PTPRT: variants seen among roughly 807,000 people sequenced by gnomAD.
PTPRT encodes the protein protein tyrosine phosphatase receptor type T.
PTPRT carries 56 observed loss-of-function variants against 176.8 expected under a neutral mutation model. The ratio of observed to expected loss-of-function variants is 0.32; its 90% CI spans 0.26 to 0.40. The LOEUF (loss-of-function observed/expected upper bound fraction) is 0.40. Ranked by LOEUF, PTPRT falls within the 10% of genes least tolerant of loss-of-function variation. The pLI is 1.00. For missense variants in PTPRT, 1,540 were observed against 1,908.2 expected (o/e 0.81, Z 3.60); for synonymous variants, 783 against 739.0 (o/e 1.06, Z -0.96).
intron 1 of PTPRT, among the ~76,000 whole-genome samples, chr20:43,142,172 C>T (rs372071639): frequency 1.4e-4 from 21 of 152,326 alleles, no homozygotes; most frequent in East Asian, 1.4e-3. Context: ...GTGCCTGGAA[C>T]AGCACAGCAA....
At chr20:42,834,384 G>A (rs1210806123) in intron 2 of PTPRT, among the ~76,000 whole-genome samples, 2 of 152,096 alleles carry the variant, frequency 1.3e-5, no homozygotes, top group Non-Finnish European at 2.9e-5. Context: ...AGGTGAGGAC[G>A]TGGAACAAAT....
chr20:42,682,870 T>C (rs2146086445), intron 6 of PTPRT, among the ~76,000 whole-genome samples: 1 of 152,360 alleles, frequency 6.6e-6, no homozygotes, highest in South Asian at 2.1e-4. Flanking sequence ...TGAGCACTTG[T>C]AACAGTTTGA....
intron 9 of PTPRT, among the ~76,000 whole-genome samples, chr20:42,420,294 C>CT (rs1374176407): frequency 2.0e-5 from 3 of 152,150 alleles, no homozygotes; most frequent in African/African-American, 7.2e-5. Flanking sequence ...CCTATAATCT[C>CT]TGAGTTTGGG....
At chr20:42,581,983 T>G (rs993683394) in intron 7 of PTPRT, among the ~76,000 whole-genome samples, 1 of 152,192 alleles carries the variant, frequency 6.6e-6, no homozygotes, top group African/African-American at 2.4e-5. Context: ...AATCGGCACT[T>G]GGAACAAAAA....
intron 6 of PTPRT, chr20:42,687,120 C>T (rs2425522): frequency 0.14 from 21,717 of 151,964 alleles, 2,223 homozygotes; most frequent in African/African-American, 0.28. Context: ...CATCATCCTC[C>T]CAACCAGCCA....
At chr20:42,860,378 A>G (rs1458820073) in intron 2 of PTPRT, among the ~76,000 whole-genome samples, 1 of 152,176 alleles carries the variant, frequency 6.6e-6, no homozygotes, top group Non-Finnish European at 1.5e-5. Context: ...TCTTTTCAAC[A>G]TTTGCTTGAT....
intron 13 of PTPRT, among the ~76,000 whole-genome samples, chr20:42,256,176 A>G (rs892857825): frequency 8.5e-5 from 13 of 152,224 alleles, no homozygotes; most frequent in Non-Finnish European, 1.5e-4. Flanking sequence ...AAAGATGAAG[A>G]TGCTGGGCAA....
chr20:43,091,444 TTC>T (rs748355532), intron 1 of PTPRT, among the ~76,000 whole-genome samples: 93 of 142,666 alleles, frequency 6.5e-4, no homozygotes, highest in Non-Finnish European at 1.1e-3. Context: ...CTCTCTGTAT[TTC>T]TCTCTCTCTC....
At chr20:42,099,580 C>T (rs1985718562) in intron 26 of PTPRT, among the ~76,000 whole-genome samples, 1 of 132,928 alleles carries the variant, frequency 7.5e-6, no homozygotes, top group African/African-American at 2.7e-5. Context: ...CTGGCAGCTT[C>T]ATCCAGGGCC....
chr20:43,116,263 C>T (rs2013055574), intron 1 of PTPRT, among the ~76,000 whole-genome samples: 1 of 152,146 alleles, frequency 6.6e-6, no homozygotes, highest in Admixed American at 6.5e-5. Flanking sequence ...TCTCAGATAC[C>T]ACTGACTCTC....
intron 1 of PTPRT, among the ~76,000 whole-genome samples, chr20:43,173,612 G>C (rs955729823): frequency 6.6e-6 from 1 of 152,216 alleles, no homozygotes; most frequent in Non-Finnish European, 1.5e-5. Flanking sequence ...GTGCTTGCGG[G>C]AGCCCCAGAG....
chr20:42,434,097 C>T lies in PTPRT; in HGVS notation c.1560+14123G>A, dbSNP rs11907746. On this transcript the variant is annotated intron_variant, in intron 9 of 30. Coordinates refer to ENST00000373187, the MANE Select transcript of PTPRT (RefSeq NM_007050.6). ...TAAAAAAAAAAAGTCACCATAACCA[C>T]GTCAAAGCTGTTGCAAATGCACAAG... Among the ~76,000 whole-genome samples, 711 of 151,924 alleles carry T rather than the reference C, an allele frequency of 4.7e-3. 10 individuals are homozygous for T. Among genetic ancestry groups the T allele is most frequent in the African/African-American group, 0.013 (520 of 41,442 alleles).
chr20:42,543,151 G>A (rs2145585894), intron 7 of PTPRT, among the ~76,000 whole-genome samples: 1 of 152,266 alleles, frequency 6.6e-6, no homozygotes, highest in African/African-American at 2.4e-5. Context: ...AGTATCAATG[G>A]ACTCTTCCTT....
intron 2 of PTPRT, among the ~76,000 whole-genome samples, chr20:42,822,968 A>ATGTT (rs1345362424): frequency 6.6e-6 from 1 of 152,186 alleles, no homozygotes; most frequent in African/African-American, 2.4e-5. Context: ...CCATTGTTGA[A>ATGTT]AACAGTATGG....
intron 7 of PTPRT, among the ~76,000 whole-genome samples, chr20:42,637,043 G>A (rs536090276): frequency 3.3e-5 from 5 of 152,184 alleles, no homozygotes; most frequent in Non-Finnish European, 5.9e-5. Flanking sequence ...AGCCATAGTC[G>A]AGGTCTCCAA....
intron 14 of PTPRT, among the ~76,000 whole-genome samples, chr20:42,245,128 T>C (rs1280538753): frequency 1.3e-5 from 2 of 152,190 alleles, no homozygotes; most frequent in African/African-American, 4.8e-5. Context: ...CATTCAGAAC[T>C]CTAGATGTGA....
At chr20:42,350,849 G>A in intron 10 of PTPRT, 119 bp from the exon 11 acceptor site, 1 of 753,716 alleles carries the variant, frequency 1.3e-6, no homozygotes, top group South Asian at 1.8e-5. Context: ...TTTAGGAAAG[G>A]GGTTGGATAA....
chr20:42,341,797 T>C (rs1263333013), intron 11 of PTPRT, among the ~76,000 whole-genome samples: 1 of 152,200 alleles, frequency 6.6e-6, no homozygotes, highest in African/African-American at 2.4e-5. Flanking sequence ...TAACAGTCCC[T>C]GTCTCCATCT....
At chr20:42,382,695 G>A (rs1004536898) in intron 9 of PTPRT, among the ~76,000 whole-genome samples, 1 of 152,072 alleles carries the variant, frequency 6.6e-6, no homozygotes, top group East Asian at 1.9e-4. Context: ...AGGGAGAATC[G>A]GGGTATGGTG....
Sources: gnomAD v4.1 joint callset for allele counts (sites outside exome capture counted in the v4.1 genomes callset) on GRCh38, gnomAD v4.1.1 for gene constraint, MANE v1.5 for transcripts, NCBI Gene and HGNC (gene_info 2026-07-23, HGNC 2026-07-21) for gene names.